PAWR: variants seen among roughly 807,000 people sequenced by gnomAD.
PAWR encodes PRKC apoptosis WT1 regulator protein.
A neutral mutation model predicts 32.0 loss-of-function variants in PAWR; 23 were observed. The observed-to-expected ratio is 0.72, with a 90% CI of 0.52 to 1.02. The LOEUF is 1.02. PAWR is among the 50% of genes least tolerant of loss of function. PAWR has a pLI of 0.00. For missense variants in PAWR, 457 were observed against 437.7 expected (o/e 1.04, Z -0.39); for synonymous variants, 226 against 187.1 (o/e 1.21, Z -1.70).
At position 79,636,263 on chromosome 12, in the gene PAWR, G is replaced by A. The variant is rs890066005; in HGVS notation, c.517-15056C>T. 2.6e-5 allele frequency among the ~76,000 whole-genome samples: 4 copies of A among 151,914 alleles called. No individual in the cohort carries two copies. The South Asian group carries it at 8.3e-4, about 31-fold the overall frequency. ...TTTTTCCTATCAATTTTATAAAACA[G>A]AATTCCACAAAACTCAGTTCAGAAA... On this transcript the variant is annotated intron_variant, in intron 2 of 6. Transcript: ENST00000328827.
At chr12:79,633,042 G>C (rs1223166428) in intron 2 of PAWR, among the ~76,000 whole-genome samples, 1 of 151,970 alleles carries the variant, frequency 6.6e-6, no homozygotes, top group African/African-American at 2.4e-5. Context: ...GTGGAGGTAG[G>C]AGAATCCGAG....
At chr12:79,630,801 G>A (rs1241649332) in intron 2 of PAWR, among the ~76,000 whole-genome samples, 1 of 149,914 alleles carries the variant, frequency 6.7e-6, no homozygotes, top group Non-Finnish European at 1.5e-5. Context: ...AATTCTTCTA[G>A]ATGGAAGAAA....
In PAWR at chr12:79,584,984, A is replaced by T; in HGVS notation, c.*7623T>A. On this transcript the variant is annotated 3_prime_UTR_variant, in exon 7 of 7. Transcript: ENST00000328827. ...TCAGGCAATAACAGAGATAAAACTT[A>T]ACACAGACAAACAATGATTTTATTC... The T allele has an allele frequency of 3.8e-6, 1 of 260,732 alleles. No homozygotes were observed. Among genetic ancestry groups the T allele is most frequent in the South Asian group, 3.9e-5 (1 of 25,556 alleles). 16.2% of individuals were successfully genotyped at this position (260,732 alleles called of 1,614,324 possible).
intron 2 of PAWR, among the ~76,000 whole-genome samples, chr12:79,664,560 C>T (rs532734794): frequency 1.3e-5 from 2 of 150,426 alleles, no homozygotes; most frequent in East Asian, 1.9e-4. Flanking sequence ...TGGGGCCACA[C>T]ATTGTTTTTT....
At chr12:79,632,103 A>C (rs1012075619) in intron 2 of PAWR, 1 of 141,612 alleles carries the variant, frequency 7.1e-6, no homozygotes, top group African/African-American at 2.7e-5. Context: ...ATTGCACTCC[A>C]GCCTGGGTGA....
chr12:79,645,164 T>C (rs1218947321), intron 2 of PAWR, among the ~76,000 whole-genome samples: 1 of 152,094 alleles, frequency 6.6e-6, no homozygotes, highest in Non-Finnish European at 1.5e-5. Flanking sequence ...CACATCCCAT[T>C]AGAAATGTTG....
At chr12:79,642,860 A>G (rs1876396011) in intron 2 of PAWR, among the ~76,000 whole-genome samples, 2 of 152,220 alleles carry the variant, frequency 1.3e-5, no homozygotes, top group African/African-American at 4.8e-5. Flanking sequence ...GTTAACAGCA[A>G]GCTACTGTTG....
At chr12:79,610,876 C>T (rs966410703) in intron 4 of PAWR, among the ~76,000 whole-genome samples, 1 of 150,540 alleles carries the variant, frequency 6.6e-6, no homozygotes, top group Non-Finnish European at 1.5e-5. Flanking sequence ...TAACCCTCAC[C>T]TCCAAATAGT....
At chr12:79,612,461 T>C (rs964296695) in intron 4 of PAWR, among the ~76,000 whole-genome samples, 1 of 152,172 alleles carries the variant, frequency 6.6e-6, no homozygotes, top group Non-Finnish European at 1.5e-5. Flanking sequence ...AGTAAGTGTT[T>C]TACATGTATA....
intron 2 of PAWR, among the ~76,000 whole-genome samples, chr12:79,682,895 T>A (rs1878510162): frequency 6.6e-6 from 1 of 152,258 alleles, no homozygotes; most frequent in African/African-American, 2.4e-5. Context: ...TTGCACTTGA[T>A]AGTAGTTTGA....
At chr12:79,671,123 T>TAAAAAAAAAAAAAAAAAAAAAAA (rs80196711) in intron 2 of PAWR, among the ~76,000 whole-genome samples, 1 of 99,008 alleles carries the variant, frequency 1.0e-5, no homozygotes, top group Non-Finnish European at 2.1e-5. Flanking sequence ...CCTTAGCACT[T>TAAAAAAAAAAAAAAAAAAAAAAA]AAAAAAAAAA....
rs1565993132 is a variant in PAWR, at chr12:79,588,529, G to T, written c.*4078C>A. The T allele has an allele frequency of 6.6e-6, 1 of 151,792 alleles. No individual in the cohort carries two copies. The highest frequency in any genetic ancestry group is 1.5e-5 in the Non-Finnish European group (1 of 67,822). 9.4% of individuals were successfully genotyped at this position (151,792 alleles called of 1,614,324 possible). On this transcript the variant is annotated 3_prime_UTR_variant, in exon 7 of 7. Transcript: ENST00000328827. Reference sequence around the variant, plus strand: ...CCTATTAACTAGATCTAAAAACAGTGGCTGAATACTTAACACAAAGAAGTA... The same window carrying T: ...CCTATTAACTAGATCTAAAAACAGTTGCTGAATACTTAACACAAAGAAGTA...
intron 5 of PAWR, among the ~76,000 whole-genome samples, chr12:79,594,701 G>A (rs1045375882): frequency 2.5e-4 from 18 of 72,684 alleles, no homozygotes; most frequent in African/African-American, 9.3e-4. Flanking sequence ...ATTTAACCTC[G>A]TGTGTGTGTG....
At chr12:79,654,815 C>A (rs905049750) in intron 2 of PAWR, among the ~76,000 whole-genome samples, 7 of 152,004 alleles carry the variant, frequency 4.6e-5, no homozygotes, top group African/African-American at 1.7e-4. Context: ...ACGGAGGAAA[C>A]CACCCCCATA....
chr12:79,673,382 AT>A (rs1878008206), intron 2 of PAWR, among the ~76,000 whole-genome samples: 1 of 152,158 alleles, frequency 6.6e-6, no homozygotes, highest in African/African-American at 2.4e-5. Context: ...AATTAATCAT[AT>A]TTCTTTCTAG....
At chr12:79,627,065 T>G (rs1269810864) in intron 2 of PAWR, among the ~76,000 whole-genome samples, 1 of 152,224 alleles carries the variant, frequency 6.6e-6, no homozygotes, top group African/African-American at 2.4e-5. Flanking sequence ...TGCATGTGGC[T>G]TTATAGCAGC....
At chr12:79,675,623 T>A (rs1317693123) in intron 2 of PAWR, among the ~76,000 whole-genome samples, 2 of 152,172 alleles carry the variant, frequency 1.3e-5, no homozygotes, top group South Asian at 2.1e-4. Context: ...CCTAAGCACA[T>A]TAATGCAGGA....
intron 2 of PAWR, among the ~76,000 whole-genome samples, chr12:79,672,466 T>C (rs1388809903): frequency 6.6e-6 from 1 of 152,108 alleles, no homozygotes; most frequent in Non-Finnish European, 1.5e-5. Flanking sequence ...CCTAGAACAT[T>C]TTTACCCCAG....
chr12:79,609,171 T>A (rs1173021403), intron 4 of PAWR, among the ~76,000 whole-genome samples: 1 of 152,146 alleles, frequency 6.6e-6, no homozygotes, highest in Non-Finnish European at 1.5e-5. Flanking sequence ...TAGCCTAATA[T>A]AAAGTGGTAG....
Sources: allele counts gnomAD v4.1 joint callset (sites outside exome capture counted in the v4.1 genomes callset), GRCh38; gene constraint gnomAD v4.1.1; transcripts MANE v1.5; gene names NCBI Gene and HGNC (gene_info 2026-07-23, HGNC 2026-07-21).